The following EXOC4 variants were observed in gnomAD, a reference collection of about 807,000 sequenced individuals.
The protein encoded by EXOC4 is exocyst complex component 4.
EXOC4 carries 71 observed loss-of-function variants against 107.2 expected under a neutral mutation model. The ratio of observed to expected loss-of-function variants is 0.66; its 90% CI spans 0.55 to 0.81. The LOEUF (loss-of-function observed/expected upper bound fraction) is 0.81, where lower values mean the gene tolerates loss of function less well. Ranked by LOEUF, EXOC4 falls within the 30% of genes least tolerant of loss-of-function variation. The pLI is 0.00. For missense variants in EXOC4, 1,108 were observed against 1,189.6 expected (o/e 0.93, Z 1.01); for synonymous variants, 456 against 441.2 (o/e 1.03, Z -0.42).
the EXOC4 span, among the ~76,000 whole-genome samples, chr7:134,091,014 G>A: frequency 1.3e-5 from 2 of 151,846 alleles, no homozygotes; most frequent in African/African-American, 4.8e-5. Context: ...ATTGGTGCAA[G>A]CAGATGATTT....
intron 11 of EXOC4, among the ~76,000 whole-genome samples, chr7:133,861,463 TG>T (rs1798531668): frequency 6.6e-6 from 1 of 152,182 alleles, no homozygotes; most frequent in South Asian, 2.1e-4. Context: ...CGGAAACTCC[TG>T]GGCACCACCC....
At chr7:134,096,077 T>C in the EXOC4 span, among the ~76,000 whole-genome samples, 1 of 152,126 alleles carries the variant, frequency 6.6e-6, no homozygotes. Flanking sequence ...AGGTCTAATT[T>C]TCAGAATCTA....
chr7:133,858,892 A>G (rs1798474915), intron 11 of EXOC4, among the ~76,000 whole-genome samples: 1 of 152,152 alleles, frequency 6.6e-6, no homozygotes, highest in East Asian at 1.9e-4. Flanking sequence ...CTTGCTATCC[A>G]GTCCCAAGAT....
At chr7:133,585,724 T>C (rs12671287) in intron 9 of EXOC4, among the ~76,000 whole-genome samples, 96,023 of 151,978 alleles carry the variant, frequency 0.63, 31,378 homozygotes, top group South Asian at 0.73. Flanking sequence ...GACAGATTTT[T>C]GTTCTGTCAC....
At chr7:134,051,884 GCT>G (rs1795800172) in intron 17 of EXOC4, among the ~76,000 whole-genome samples, 1 of 151,588 alleles carries the variant, frequency 6.6e-6, no homozygotes, top group African/African-American at 2.4e-5. Context: ...TACTCAGGAG[GCT>G]CAGGCAGGAG....
intron 17 of EXOC4, among the ~76,000 whole-genome samples, chr7:134,054,636 T>G (rs1795878663): frequency 6.6e-6 from 1 of 152,248 alleles, no homozygotes; most frequent in Admixed American, 6.5e-5. Context: ...TCTGCATTTG[T>G]TGACTTGCCG....
chr7:133,497,849 C>T (rs1000880252), intron 9 of EXOC4, among the ~76,000 whole-genome samples: 3 of 152,150 alleles, frequency 2.0e-5, no homozygotes, highest in South Asian at 4.1e-4. Context: ...CTCCTTGCCC[C>T]TCCAGTTCTC....
chr7:133,339,899 C>A lies in EXOC4; in HGVS notation c.764-16431C>A, dbSNP rs556349841. Among the ~76,000 whole-genome samples the A allele has an allele frequency of 7.9e-5, 12 of 152,218 alleles. 1 individual carries two copies. In the South Asian group the frequency reaches 1.9e-3, roughly 24 times the overall value. ...TCACTGAATTTATCAGATATAGGAG[C>A]TTTTTGGATGAATCTTTGGGGTTTT... On this transcript the variant is annotated intron_variant, in intron 5 of 17. Coordinates refer to ENST00000253861, the MANE Select transcript of EXOC4 (RefSeq NM_021807.4).
intron 17 of EXOC4, among the ~76,000 whole-genome samples, chr7:134,054,646 G>A (rs1008393677): frequency 9.2e-5 from 14 of 152,136 alleles, no homozygotes; most frequent in Admixed American, 5.2e-4. Context: ...TTGACTTGCC[G>A]TTCTCATTAC....
At chr7:133,757,855 C>G (rs1436138070) in intron 10 of EXOC4, among the ~76,000 whole-genome samples, 4 of 152,172 alleles carry the variant, frequency 2.6e-5, no homozygotes, top group Non-Finnish European at 5.9e-5. Flanking sequence ...CATTTTTAAA[C>G]AGATAAGGAG....
intron 9 of EXOC4, among the ~76,000 whole-genome samples, chr7:133,545,015 T>C (rs1471648314): frequency 6.6e-6 from 1 of 152,092 alleles, no homozygotes; most frequent in Non-Finnish European, 1.5e-5. Flanking sequence ...TACGTATGTA[T>C]GTGTGTATGT....
intron 10 of EXOC4, among the ~76,000 whole-genome samples, chr7:133,676,979 T>G (rs1158232901): frequency 1.4e-5 from 1 of 73,950 alleles, no homozygotes; most frequent in African/African-American, 4.7e-5. Context: ...GTGTGTGTGT[T>G]GAGAACAAAG....
At chr7:133,981,805 A>G (rs1199488274) in intron 14 of EXOC4, among the ~76,000 whole-genome samples, 1 of 152,172 alleles carries the variant, frequency 6.6e-6, no homozygotes, top group Admixed American at 6.5e-5. Context: ...TATGTATGCA[A>G]ATGTTGACTG....
intron 5 of EXOC4, among the ~76,000 whole-genome samples, chr7:133,319,471 T>C (rs1213262258): frequency 6.6e-6 from 1 of 152,130 alleles, no homozygotes; most frequent in Non-Finnish European, 1.5e-5. Flanking sequence ...CTTGTAGAGA[T>C]ATGTATAAAC....
chr7:133,328,910 C>G (rs1795312499), intron 5 of EXOC4, among the ~76,000 whole-genome samples: 4 of 152,226 alleles, frequency 2.6e-5, no homozygotes, highest in Admixed American at 2.6e-4. Context: ...GGTTGCTCTT[C>G]TTGAGGAGTA....
intron 10 of EXOC4, among the ~76,000 whole-genome samples, chr7:133,802,044 T>C (rs746148297): frequency 1.3e-5 from 2 of 152,252 alleles, no homozygotes; most frequent in Non-Finnish European, 2.9e-5. Flanking sequence ...GGAAATTTTC[T>C]AGAATCTTTG....
chr7:133,669,311 A>G lies in EXOC4; in HGVS notation c.1514+39170A>G, dbSNP rs992051034. On this transcript the variant is annotated intron_variant, in intron 10 of 17. Transcript: ENST00000253861. ...ATGGCCTGGCTGGAGTGTGCAGTGG[A>G]TGAGGCTGCCTCAATGCAGGGCGAG... Among the ~76,000 whole-genome samples, 3 of 123,880 alleles carry G rather than the reference A, an allele frequency of 2.4e-5. 1 individual carries two copies. Among genetic ancestry groups the G allele is most frequent in the African/African-American group, 9.2e-5 (3 of 32,662 alleles). The allele number at this position is 123,880 out of a possible 152,430, so 81.3% of individuals were successfully genotyped here. A position where few individuals can be genotyped will look rare whatever the true frequency, so the allele number is the denominator to read the frequency against.
At chr7:133,976,310 T>C (rs1457716618) in intron 14 of EXOC4, among the ~76,000 whole-genome samples, 1 of 152,334 alleles carries the variant, frequency 6.6e-6, no homozygotes, top group South Asian at 2.1e-4. Context: ...TCTTCAAATG[T>C]AAGGATAAGA....
At chr7:133,355,608 T>C (rs1360826225) in intron 5 of EXOC4, among the ~76,000 whole-genome samples, 1 of 152,084 alleles carries the variant, frequency 6.6e-6, no homozygotes, top group Non-Finnish European at 1.5e-5. Context: ...CAGTGCCAAA[T>C]TGTTTGAAAG....
Sources: allele counts gnomAD v4.1 joint callset (sites outside exome capture counted in the v4.1 genomes callset), GRCh38; gene constraint gnomAD v4.1.1; transcripts MANE v1.5; gene names NCBI Gene and HGNC (gene_info 2026-07-23, HGNC 2026-07-21).